The following PIGL variants were observed in gnomAD, a reference collection of about 807,000 sequenced individuals.
The protein encoded by PIGL is phosphatidylinositol glycan anchor biosynthesis class L.
A neutral mutation model predicts 31.1 loss-of-function variants in PIGL; 22 were observed. That is an observed-to-expected ratio of 0.71 (90% CI 0.51 to 1.01). The LOEUF (loss-of-function observed/expected upper bound fraction) is 1.01. Among genes scored for constraint, PIGL ranks in the 50% least tolerant of loss-of-function variants. The pLI, the probability that PIGL is intolerant of heterozygous loss-of-function variation, is 0.00. For synonymous variants in PIGL, 131 were observed against 117.4 expected (o/e 1.12, Z -0.75); for missense variants, 302 against 315.9 (o/e 0.96, Z 0.33).
chr17:16,295,950 A>G (rs1008999808), intron 2 of PIGL, among the ~76,000 whole-genome samples: 1 of 152,210 alleles, frequency 6.6e-6, no homozygotes, highest in Non-Finnish European at 1.5e-5. Context: ...TCAAAAATAA[A>G]TAAATAAAAT....
intron 2 of PIGL, among the ~76,000 whole-genome samples, chr17:16,287,618 G>A (rs942245066): frequency 2.6e-5 from 4 of 152,146 alleles, no homozygotes; most frequent in Admixed American, 6.5e-5. Context: ...TTCCTCTTTC[G>A]TCTAAGTCTC....
At chr17:16,292,407 A>C (rs1197784683) in intron 2 of PIGL, among the ~76,000 whole-genome samples, 2 of 152,076 alleles carry the variant, frequency 1.3e-5, no homozygotes, top group Non-Finnish European at 2.9e-5. Context: ...AAAAAAAAAA[A>C]AACACTCCTT....
chr17:16,270,289 C>A (rs377236126), intron 2 of PIGL, among the ~76,000 whole-genome samples: 48 of 143,538 alleles, frequency 3.3e-4, no homozygotes, highest in African/African-American at 2.8e-4. Context: ...AACTCCATGT[C>A]AAAAAAAAAA....
intron 2 of PIGL, among the ~76,000 whole-genome samples, chr17:16,267,957 C>A (rs1209549262): frequency 6.6e-6 from 1 of 152,142 alleles, no homozygotes; most frequent in Non-Finnish European, 1.5e-5. Flanking sequence ...AAAGAGCAGA[C>A]TCTTTAGACT....
intron 2 of PIGL, among the ~76,000 whole-genome samples, chr17:16,274,163 G>C (rs766146480): frequency 3.3e-5 from 5 of 152,182 alleles, no homozygotes; most frequent in Non-Finnish European, 7.3e-5. Context: ...GGGAACCAAG[G>C]TTATTACCAA....
chr17:16,228,419 C>A (rs182975210), intron 1 of PIGL, among the ~76,000 whole-genome samples: 2 of 151,934 alleles, frequency 1.3e-5, no homozygotes, highest in African/African-American at 2.4e-5. Flanking sequence ...GAGTCTTGCT[C>A]TGTCGCCCAG....
At chr17:16,318,051 CAG>C in intron 6 of PIGL, 143 bp downstream of exon 6, 1 of 629,312 alleles carries the variant, frequency 1.6e-6, no homozygotes, top group Non-Finnish European at 2.8e-6. Flanking sequence ...AGGGCTAGGC[CAG>C]CTAGATCTTG....
intron 3 of PIGL, among the ~76,000 whole-genome samples, chr17:16,309,310 A>G (rs913680712): frequency 5.3e-5 from 8 of 152,282 alleles, no homozygotes; most frequent in African/African-American, 1.9e-4. Flanking sequence ...AGATAACTAG[A>G]TTAGTCTTCT....
intron 3 of PIGL, chr17:16,312,928 A>AGGGGGGGGGGGGGGGGGGG (rs869065594): frequency 7.9e-5 from 2 of 25,372 alleles, no homozygotes; most frequent in African/African-American, 2.7e-4. Context: ...GGGAGGGGGA[A>AGGGGGGGGGGGGGGGGGGG]GGGGGGGGGA....
intron 1 of PIGL, among the ~76,000 whole-genome samples, chr17:16,230,011 G>A (rs2092671911): frequency 6.6e-6 from 1 of 151,834 alleles, no homozygotes; most frequent in African/African-American, 2.4e-5. Context: ...ACAGGCGTGT[G>A]CCCACCATGC....
intron 2 of PIGL, among the ~76,000 whole-genome samples, chr17:16,282,474 C>T (rs1248973308): frequency 1.3e-5 from 2 of 152,060 alleles, no homozygotes; most frequent in African/African-American, 4.8e-5. Context: ...ATACCCTAAA[C>T]ACCCATACCC....
intron 2 of PIGL, among the ~76,000 whole-genome samples, chr17:16,294,530 T>TA: frequency 6.6e-6 from 1 of 152,324 alleles, no homozygotes; most frequent in South Asian, 2.1e-4. Context: ...GGAAAACTCT[T>TA]AGACAGTGAG....
Position 16,238,869 on chromosome 17 carries a change from G to A in PIGL, c.335+4799G>A, listed in dbSNP as rs1157502153. Among the ~76,000 whole-genome samples the A allele has an allele frequency of 1.1e-4, 16 of 143,012 alleles. No individual in the cohort carries two copies. In the East Asian group the frequency reaches 2.4e-3, roughly 21 times the overall value. The allele number at this position is 143,012 out of a possible 152,430, so 93.8% of individuals were successfully genotyped here. A position where few individuals can be genotyped will look rare whatever the true frequency, so the allele number is the denominator to read the frequency against. Reference sequence around the variant, plus strand: ...GGTTGCAGTGAGCTGAGATCACGCCGCTGCACTCCAGCCTGGTGCGACAGA... The same window carrying A: ...GGTTGCAGTGAGCTGAGATCACGCCACTGCACTCCAGCCTGGTGCGACAGA... On this transcript the variant is annotated intron_variant, in intron 2 of 6. Coordinates refer to ENST00000225609, the MANE Select transcript of PIGL (RefSeq NM_004278.4).
In PIGL at chr17:16,228,138, G is replaced by A. The variant is rs1277231634; in HGVS notation, c.236-5833G>A. On this transcript the variant is annotated intron_variant, in intron 1 of 6. Transcript: ENST00000225609. ...ATGATCTCGGCTCACTGCAACCTCC[G>A]CCTCCCAGGTTCAAGCAATTCTCCT... 2.8e-5 allele frequency among the ~76,000 whole-genome samples: 4 copies of A among 142,612 alleles called. No homozygotes were observed. The South Asian group carries it at 6.5e-4, about 23-fold the overall frequency. 93.6% of individuals were successfully genotyped at this position (142,612 alleles called of 152,430 possible).
chr17:16,324,785 T>C (rs1430289303), intron 6 of PIGL, among the ~76,000 whole-genome samples: 1 of 152,196 alleles, frequency 6.6e-6, no homozygotes, highest in Admixed American at 6.5e-5. Context: ...TTTATGTATA[T>C]CTAGTGAAGT....
At chr17:16,319,372 T>C (rs1251712920) in intron 6 of PIGL, among the ~76,000 whole-genome samples, 2 of 152,196 alleles carry the variant, frequency 1.3e-5, no homozygotes, top group Non-Finnish European at 2.9e-5. Flanking sequence ...TTAGACATTT[T>C]GATTTGCCAC....
chr17:16,236,745 T>A (rs2092700996), intron 2 of PIGL, among the ~76,000 whole-genome samples: 1 of 151,938 alleles, frequency 6.6e-6, no homozygotes, highest in Non-Finnish European at 1.5e-5. Flanking sequence ...TTTTTATATT[T>A]TTAGTAGAGA....
intron 5 of PIGL, 91 bp downstream of exon 5, chr17:16,316,803 C>G: frequency 1.3e-6 from 2 of 1,579,510 alleles, no homozygotes. Flanking sequence ...AGAGAGCTGC[C>G]CTCAGCCGAG....
At chr17:16,311,714 G>A (rs948284443) in intron 3 of PIGL, among the ~76,000 whole-genome samples, 1 of 150,034 alleles carries the variant, frequency 6.7e-6, no homozygotes, top group South Asian at 2.1e-4. Context: ...ATCTTGCACC[G>A]CCCTTAATCC....
Sources: allele counts gnomAD v4.1 joint callset (sites outside exome capture counted in the v4.1 genomes callset), GRCh38; gene constraint gnomAD v4.1.1; transcripts MANE v1.5; gene names NCBI Gene and HGNC (gene_info 2026-07-23, HGNC 2026-07-21).